Variants in FAT1 observed in about 807,000 individuals in gnomAD.
FAT1 encodes protocadherin Fat 1.
A neutral mutation model predicts 329.8 loss-of-function variants in FAT1; 171 were observed. That is an observed-to-expected ratio of 0.52 (90% CI 0.46 to 0.59). The LOEUF (loss-of-function observed/expected upper bound fraction) is 0.59, where lower values mean the gene tolerates loss of function less well. Among genes scored for constraint, FAT1 ranks in the 20% least tolerant of loss-of-function variants. FAT1 has a pLI of 0.00. For synonymous variants in FAT1, 2,233 were observed against 2,228.6 expected (o/e 1.00, Z -0.06); for missense variants, 5,672 against 5,774.4 (o/e 0.98, Z 0.57).
intron 2 of FAT1, among the ~76,000 whole-genome samples, chr4:186,668,376 C>T (rs1056433317): frequency 3.3e-5 from 5 of 152,156 alleles, no homozygotes; most frequent in Non-Finnish European, 5.9e-5. Flanking sequence ...AGGGGTAGAG[C>T]TAGCCTTCGC....
In FAT1 at chr4:186,620,945, T is replaced by C. The variant is rs1426488656; in HGVS notation, c.5641A>G (p.Lys1881Glu). 2 of 1,613,994 alleles carry C rather than the reference T, an allele frequency of 1.2e-6. No homozygotes were observed. The highest frequency in any genetic ancestry group is 2.2e-5 in the East Asian group (1 of 44,884). ...AAAAGAGATGCTTCATATAATGGCT[T>C]GGCAAACACAGGGGGGCAGTCATTA... Reference protein sequence around the residue: ...DINDCPPVFAKPLYEASLLLP... With the variant: ...DINDCPPVFAEPLYEASLLLP... Residue 1881 changes from lysine to glutamate, a missense_variant, in exon 10 of 27, where the codon AAG becomes GAG. Lys to Glu is a moderately conservative substitution (Grantham distance 56, BLOSUM62 1). Transcript: ENST00000441802.
intron 3 of FAT1, among the ~76,000 whole-genome samples, chr4:186,642,421 A>G (rs1368920305): frequency 6.6e-6 from 1 of 152,228 alleles, no homozygotes; most frequent in Non-Finnish European, 1.5e-5. Context: ...TCACATAGCT[A>G]TCTCTCCGTC....
At chr4:186,624,167 C>T (rs928130211) in intron 9 of FAT1, among the ~76,000 whole-genome samples, 8 of 132,480 alleles carry the variant, frequency 6.0e-5, no homozygotes, top group South Asian at 2.3e-4. Context: ...AAGGTCTGTA[C>T]GAGGCTGGGG....
rs2126503239 is a variant in FAT1, at chr4:186,619,207, A to C, written c.7379T>G (p.Phe2460Cys). ...AGACACTGACAGGTTAAGACTGTAA[A>C]ATGGCTTCAGGGCGTGCCGGTGCAG... The part of the protein sequence containing the change: ...SNLHRHALKP[F>C]YSLNLSVSDG... Residue 2460 changes from phenylalanine to cysteine, a missense_variant, in exon 10 of 27, where the codon TTT becomes TGT. This residue lies in a region of FAT1 where 3,966 missense variants were observed against 3,915.2 expected (regional missense o/e 1.01). Coordinates refer to ENST00000441802, the MANE Select transcript of FAT1 (RefSeq NM_005245.4). 2.5e-6 allele frequency: 4 copies of C among 1,613,968 alleles called. No homozygotes were observed. The highest frequency in any genetic ancestry group is 3.4e-6 in the Non-Finnish European group (4 of 1,179,892).
rs201416427 is a variant in FAT1, at chr4:186,620,733, G to C, written c.5853C>G (p.Thr1951=). 1.2e-6 allele frequency: 2 copies of C among 1,614,008 alleles called. No homozygotes were observed. The highest frequency in any genetic ancestry group is 1.7e-6 in the Non-Finnish European group (2 of 1,179,902). Residue 1951 remains threonine, a synonymous_variant, in exon 10 of 27, where the codon ACC becomes ACG. Coordinates refer to ENST00000441802, the MANE Select transcript of FAT1 (RefSeq NM_005245.4). ...CAAATCTGCCATCGGAAGCTCTAAC[G>C]GTTAGCTCGTAGCGGCTTCTTAACT... ...TTQLRSRYEL[T]VRASDGRFAG... is the part of the protein sequence containing the mutation.
intron 2 of FAT1, among the ~76,000 whole-genome samples, chr4:186,667,973 T>C (rs1275362800): frequency 1.3e-5 from 2 of 151,984 alleles, no homozygotes; most frequent in South Asian, 2.1e-4. Flanking sequence ...GGGGACCTGG[T>C]GGGGCTATAA....
rs377305122 is a variant in FAT1 at position 186,601,381 on chromosome 4, C to T, written c.11528G>A (p.Arg3843His). Residue 3843 changes from arginine to histidine, a missense_variant, in exon 21 of 27, where the codon CGT (arginine) becomes CAT (histidine). Coordinates refer to ENST00000441802, the MANE Select transcript of FAT1 (RefSeq NM_005245.4). ...TAATTTGTTTTCATTTTCCGTCAGA[C>T]GGTATTTCACGTAGCTGTTTCCAGT... ...TLTGNSYVKY[R>H]LTENENKLEM... 5.0e-6 allele frequency: 8 copies of T among 1,613,252 alleles called. No homozygotes were observed. Among genetic ancestry groups the T allele is most frequent in the African/African-American group, 2.7e-5 (2 of 74,890 alleles).
intron 2 of FAT1, among the ~76,000 whole-genome samples, chr4:186,664,876 A>G: frequency 6.6e-6 from 1 of 152,220 alleles, no homozygotes; most frequent in East Asian, 1.9e-4. Context: ...ACTGTGAGAA[A>G]AATAACCAAT....
chr4:186,602,137 T>G (rs1038119745), intron 20 of FAT1, among the ~76,000 whole-genome samples: 2 of 152,140 alleles, frequency 1.3e-5, no homozygotes, highest in Non-Finnish European at 2.9e-5. Context: ...AAAATAATAA[T>G]TAGATATCAC....
At chr4:186,623,058 A>G (rs966932672) in intron 9 of FAT1, among the ~76,000 whole-genome samples, 13 of 151,884 alleles carry the variant, frequency 8.6e-5, no homozygotes, top group Admixed American at 7.9e-4. Flanking sequence ...CCTTTCATAC[A>G]TTTTCCAAAA....
chr4:186,721,755 G>C (rs891605112), intron 1 of FAT1, among the ~76,000 whole-genome samples: 6 of 152,212 alleles, frequency 3.9e-5, no homozygotes, highest in African/African-American at 1.4e-4. Flanking sequence ...TGCTTCAAAG[G>C]GACCTCAAAG....
intron 1 of FAT1, among the ~76,000 whole-genome samples, chr4:186,712,182 A>T (rs1744992376): frequency 6.6e-6 from 1 of 152,224 alleles, no homozygotes; most frequent in Middle Eastern, 3.2e-3. Context: ...AGCTGATCCT[A>T]TTTATGTTTA....
At chr4:186,671,471 G>A (rs184616738) in intron 2 of FAT1, among the ~76,000 whole-genome samples, 4 of 152,260 alleles carry the variant, frequency 2.6e-5, no homozygotes, top group South Asian at 4.1e-4. Context: ...GCCGAGGCTG[G>A]CAGATCACCT....
intron 19 of FAT1, 50 bp downstream of exon 19, chr4:186,603,126 C>A (rs2126423895): frequency 6.2e-7 from 1 of 1,606,668 alleles, no homozygotes. Context: ...GCTTCAAAGG[C>A]CGTCTGAAAC....
Position 186,617,864 on chromosome 4 carries a change from C to T in FAT1, c.8722G>A (p.Val2908Ile), listed in dbSNP as rs374444088. The T allele has an allele frequency of 6.8e-5, 109 of 1,613,948 alleles. No homozygotes were observed. Among genetic ancestry groups the T allele is most frequent in the African/African-American group, 3.1e-4 (23 of 75,034 alleles). The part of the protein sequence containing the change: ...LSSTAIVDVT[V>I]TDVNDSPPRF... ...GGTGGACTATCGTTGACATCGGTGA[C>T]GGTAACATCCACAATGGCTGTGGAG... The change falls in exon 10 of 27, where the codon GTC becomes ATC. Residue 2908 changes from valine (V) to isoleucine (I), a missense_variant. Around this residue, in one of 2 missense-constraint regions of FAT1, gnomAD observed 3,966 missense variants for 3,915.2 expected, o/e 1.01. Transcript: ENST00000441802.
Position 186,643,964 on chromosome 4 carries a change from C to T in FAT1, c.3581-4181G>A, listed in dbSNP as rs532251722. Among the ~76,000 whole-genome samples the T allele has an allele frequency of 2.0e-5, 3 of 152,148 alleles. No individual in the cohort carries two copies. In the South Asian group the frequency reaches 6.2e-4, roughly 32 times the overall value. ...CATCTGCAATATTTTTTGCCAAATC[C>T]CAGAAAGATATATACTTAAAGGAAA... On this transcript the variant is annotated intron_variant, in intron 3 of 26. Coordinates refer to ENST00000441802, the MANE Select transcript of FAT1 (RefSeq NM_005245.4).
intron 2 of FAT1, among the ~76,000 whole-genome samples, chr4:186,687,661 G>A (rs79411400): frequency 0.024 from 3,727 of 152,222 alleles, 183 homozygotes; most frequent in African/African-American, 0.086. Flanking sequence ...GGTATAATGC[G>A]TATATCTCAA....
intron 2 of FAT1, among the ~76,000 whole-genome samples, chr4:186,674,088 G>A (rs1742847498): frequency 4.6e-5 from 7 of 152,224 alleles, no homozygotes; most frequent in Admixed American, 3.9e-4. Context: ...CAATTTCAGT[G>A]TTGATTACTC....
intron 1 of FAT1, among the ~76,000 whole-genome samples, chr4:186,713,282 G>T (rs1745049711): frequency 6.6e-6 from 1 of 151,982 alleles, no homozygotes; most frequent in Non-Finnish European, 1.5e-5. Flanking sequence ...TTAATGATCT[G>T]GACAGTTTCC....
Sources: gnomAD v4.1 joint callset for allele counts (sites outside exome capture counted in the v4.1 genomes callset) on GRCh38, gnomAD v4.1.1 for gene constraint, gnomAD v4.1.1 regional missense constraint, MANE v1.5 for transcripts, NCBI Gene and HGNC (gene_info 2026-07-23, HGNC 2026-07-21) for gene names.